The following TSPAN5 variants were observed in gnomAD, a reference collection of about 807,000 sequenced individuals.
TSPAN5 encodes tetraspanin 5, also known as tetraspanin-5.
Under a neutral mutation model 37.1 loss-of-function variants are expected in TSPAN5, and 10 were observed. That is an observed-to-expected ratio of 0.27 (90% CI 0.17 to 0.46). TSPAN5 has a LOEUF of 0.46. Ranked by LOEUF, TSPAN5 falls within the 20% of genes least tolerant of loss-of-function variation. The pLI, the probability that TSPAN5 is intolerant of heterozygous loss-of-function variation, is 1.00. For synonymous variants in TSPAN5, 110 were observed against 118.9 expected, an observed-to-expected ratio of 0.93 and a Z score of 0.48; for missense variants, 195 against 326.6, an observed-to-expected ratio of 0.60 and a Z score of 3.11.
At chr4:98,481,955 G>T (rs1752846790) in intron 4 of TSPAN5, 50 bp downstream of exon 4, 1 of 1,585,538 alleles carries the variant, frequency 6.3e-7, no homozygotes, top group South Asian at 1.1e-5. Context: ...ATTCACTGGG[G>T]TCATCGTTCA....
At chr4:98,621,834 A>G (rs1756488474) in intron 1 of TSPAN5, among the ~76,000 whole-genome samples, 1 of 95,198 alleles carries the variant, frequency 1.1e-5, no homozygotes, top group South Asian at 3.6e-4. Flanking sequence ...TTCTGTCTCT[A>G]TGATTTTTGC....
chr4:98,615,893 G>A (rs1430183162), intron 1 of TSPAN5, among the ~76,000 whole-genome samples: 1 of 152,152 alleles, frequency 6.6e-6, no homozygotes, highest in African/African-American at 2.4e-5. Flanking sequence ...CTGGATGGAT[G>A]GCAACAAAGT....
chr4:98,608,032 C>T (rs940080904), intron 1 of TSPAN5, among the ~76,000 whole-genome samples: 5 of 152,038 alleles, frequency 3.3e-5, no homozygotes, highest in Non-Finnish European at 7.4e-5. Flanking sequence ...ATATACTATA[C>T]CTATTCATAA....
At chr4:98,523,443 GTTTTT>G (rs201479694) in intron 1 of TSPAN5, among the ~76,000 whole-genome samples, 1 of 151,230 alleles carries the variant, frequency 6.6e-6, no homozygotes, top group African/African-American at 2.4e-5. Flanking sequence ...AAAAATTATG[GTTTTT>G]TTTTGAGACA....
At chr4:98,619,015 T>C (rs947736104) in intron 1 of TSPAN5, among the ~76,000 whole-genome samples, 7 of 152,178 alleles carry the variant, frequency 4.6e-5, no homozygotes, top group Non-Finnish European at 1.0e-4. Context: ...TTCTAAATTC[T>C]ACAGAGAGTA....
intron 3 of TSPAN5, chr4:98,484,491 G>A (rs866209509): frequency 4.6e-5 from 21 of 455,820 alleles, no homozygotes; most frequent in African/African-American, 3.8e-4. Flanking sequence ...TAAAAGCCAA[G>A]AAACAACACA....
intron 1 of TSPAN5, among the ~76,000 whole-genome samples, chr4:98,565,210 G>A (rs978426436): frequency 6.6e-6 from 1 of 152,096 alleles, no homozygotes; most frequent in African/African-American, 2.4e-5. Context: ...GACGGTTGGT[G>A]TTTTTCCCCC....
At chr4:98,569,672 G>C (rs895413799) in intron 1 of TSPAN5, among the ~76,000 whole-genome samples, 1 of 152,228 alleles carries the variant, frequency 6.6e-6, no homozygotes, top group Non-Finnish European at 1.5e-5. Context: ...AAGATGACTG[G>C]AGTTTCTATC....
rs531614147 is a variant in TSPAN5 at position 98,585,146 on chromosome 4, A to C, written c.81+73000T>G. Among the ~76,000 whole-genome samples the C allele has an allele frequency of 2.6e-5, 4 of 152,280 alleles. No homozygotes were observed. In the South Asian group the frequency reaches 8.3e-4, roughly 32 times the overall value. ...AAAAGTTTTTTCAAAATTCTTATAC[A>C]TTTAGGGGGTACAAGTGCATATTTT... On this transcript the variant is annotated intron_variant, in intron 1 of 7. Transcript: ENST00000305798.
chr4:98,507,320 G>GA lies in TSPAN5; in HGVS notation c.132+357dup, dbSNP rs567365499. 1.1e-4 allele frequency among the ~76,000 whole-genome samples: 16 copies of GA among 152,124 alleles called. 1 individual carries two copies. In the East Asian group the frequency reaches 2.7e-3, roughly 26 times the overall value. ...AGAGTTGAAGAAAAAAAGCAGAAGA[G>GA]AAAAAAAGGCTACAGGTGGTTTAGT... On this transcript the variant is annotated intron_variant, in intron 2 of 7. Transcript: ENST00000305798.
intron 5 of TSPAN5, 44 bp from the exon 6 acceptor site, chr4:98,476,504 C>G: frequency 6.3e-7 from 1 of 1,593,848 alleles, no homozygotes. Flanking sequence ...ACTCATTAGA[C>G]AGAAAGCCCA....
chr4:98,520,009 G>T (rs1753819721), intron 1 of TSPAN5, among the ~76,000 whole-genome samples: 1 of 152,220 alleles, frequency 6.6e-6, no homozygotes, highest in South Asian at 2.1e-4. Flanking sequence ...ATGAAAAGGT[G>T]CCTGGCATAT....
At chr4:98,548,452 G>C (rs1330219934) in intron 1 of TSPAN5, among the ~76,000 whole-genome samples, 2 of 152,088 alleles carry the variant, frequency 1.3e-5, no homozygotes, top group African/African-American at 4.8e-5. Context: ...GGAGAAAAGA[G>C]ATCCGTACAC....
intron 1 of TSPAN5, among the ~76,000 whole-genome samples, chr4:98,609,195 T>A (rs180957749): frequency 6.6e-6 from 1 of 152,292 alleles, no homozygotes; most frequent in Admixed American, 6.5e-5. Context: ...ACATTTAAAT[T>A]CAACTAAGAA....
At chr4:98,482,963 G>A (rs1206521429) in intron 3 of TSPAN5, 1 of 152,138 alleles carries the variant, frequency 6.6e-6, no homozygotes, top group African/African-American at 2.4e-5. Flanking sequence ...AGGCAACGTG[G>A]TAACTGCCCG....
chr4:98,569,154 GATT>G (rs1166016758), intron 1 of TSPAN5, among the ~76,000 whole-genome samples: 1 of 152,178 alleles, frequency 6.6e-6, no homozygotes, highest in Admixed American at 6.5e-5. Flanking sequence ...GTAAGCATCT[GATT>G]ATGATTTGGC....
At chr4:98,565,188 A>G (rs985669625) in intron 1 of TSPAN5, among the ~76,000 whole-genome samples, 4 of 152,032 alleles carry the variant, frequency 2.6e-5, no homozygotes, top group Admixed American at 6.6e-5. Flanking sequence ...GATAGAGGGC[A>G]TTTTTCCTTT....
intron 1 of TSPAN5, among the ~76,000 whole-genome samples, chr4:98,598,017 C>T (rs1293140717): frequency 1.1e-5 from 1 of 94,024 alleles, no homozygotes; most frequent in Admixed American, 1.1e-4. Flanking sequence ...TGGGCAATGG[C>T]GGGCGCCCCT....
chr4:98,490,489 G>A (rs933602565), intron 2 of TSPAN5, among the ~76,000 whole-genome samples: 4 of 152,092 alleles, frequency 2.6e-5, no homozygotes, highest in African/African-American at 9.7e-5. Flanking sequence ...ACAATCATTG[G>A]GGGGCTGAGC....
Sources: gnomAD v4.1 joint callset for allele counts (sites outside exome capture counted in the v4.1 genomes callset) on GRCh38, gnomAD v4.1.1 for gene constraint, MANE v1.5 for transcripts, NCBI Gene and HGNC (gene_info 2026-07-23, HGNC 2026-07-21) for gene names.